The following CHST11 variants were observed in gnomAD, a reference collection of about 807,000 sequenced individuals.
CHST11 encodes carbohydrate sulfotransferase 11, also known as C4S-1.
In CHST11, 9 loss-of-function variants were observed where a neutral mutation model predicts 30.4. The ratio of observed to expected loss-of-function variants is 0.30; its 90% CI spans 0.18 to 0.52. CHST11 has a LOEUF of 0.52. CHST11 is among the 20% of genes least tolerant of loss of function. CHST11 has a pLI of 0.97. For synonymous variants in CHST11, 152 were observed against 187.8 expected (o/e 0.81, Z 1.56); for missense variants, 348 against 460.6 (o/e 0.76, Z 2.24).
At chr12:104,703,314 G>A (rs769296524) in intron 2 of CHST11, among the ~76,000 whole-genome samples, 5 of 152,142 alleles carry the variant, frequency 3.3e-5, no homozygotes, top group African/African-American at 4.8e-5. Flanking sequence ...TTTATTTGGC[G>A]TTGCAAATTT....
At chr12:104,743,284 G>A (rs1592870182) in intron 2 of CHST11, among the ~76,000 whole-genome samples, 1 of 152,256 alleles carries the variant, frequency 6.6e-6, no homozygotes, top group South Asian at 2.1e-4. Flanking sequence ...GGAGAGCTGA[G>A]GTTCCAGAGG....
intron 1 of CHST11, among the ~76,000 whole-genome samples, chr12:104,519,124 C>T (rs1481467441): frequency 6.9e-6 from 1 of 144,868 alleles, no homozygotes; most frequent in Non-Finnish European, 1.5e-5. Flanking sequence ...CCATAATAGT[C>T]CCAACCCTAA....
intron 2 of CHST11, among the ~76,000 whole-genome samples, chr12:104,638,847 A>G (rs1226818122): frequency 1.3e-5 from 2 of 152,220 alleles, no homozygotes; most frequent in Non-Finnish European, 2.9e-5. Flanking sequence ...TCTGCTTCCT[A>G]GAACTCGAAA....
intron 2 of CHST11, among the ~76,000 whole-genome samples, chr12:104,636,811 C>T (rs983051670): frequency 3.8e-4 from 58 of 150,718 alleles, no homozygotes; most frequent in African/African-American, 1.4e-3. Flanking sequence ...ATAGGAGGCT[C>T]ACAAAAAAAT....
At chr12:104,563,328 GTGC>G (rs1447241005) in intron 1 of CHST11, among the ~76,000 whole-genome samples, 27 of 152,198 alleles carry the variant, frequency 1.8e-4, no homozygotes, top group African/African-American at 6.5e-4. Context: ...GTGAGCCACT[GTGC>G]TCGGCCATTG....
At chr12:104,623,683 C>T (rs1376305241) in intron 2 of CHST11, among the ~76,000 whole-genome samples, 3 of 151,604 alleles carry the variant, frequency 2.0e-5, no homozygotes, top group Middle Eastern at 3.2e-3. Context: ...GTCACCCAGC[C>T]GAGATCGCCT....
At chr12:104,489,775 C>A (rs1053400061) in intron 1 of CHST11, among the ~76,000 whole-genome samples, 1 of 152,182 alleles carries the variant, frequency 6.6e-6, no homozygotes, top group Non-Finnish European at 1.5e-5. Context: ...AATACCCTAT[C>A]CTTAAACATG....
intron 1 of CHST11, among the ~76,000 whole-genome samples, chr12:104,481,540 G>C (rs2037622617): frequency 1.3e-5 from 2 of 152,188 alleles, no homozygotes; most frequent in Admixed American, 1.3e-4. Context: ...TGAGCCCACT[G>C]TTCCAGCTGG....
intron 1 of CHST11, among the ~76,000 whole-genome samples, chr12:104,542,298 G>A (rs2038293742): frequency 6.6e-6 from 1 of 152,196 alleles, no homozygotes; most frequent in South Asian, 2.1e-4. Context: ...ATGGATATTT[G>A]TACAGCTATG....
intron 1 of CHST11, among the ~76,000 whole-genome samples, chr12:104,574,170 C>T (rs1288496882): frequency 1.3e-5 from 2 of 152,222 alleles, no homozygotes; most frequent in African/African-American, 4.8e-5. Context: ...GATACCATCT[C>T]ACACCAGTTA....
At chr12:104,636,086 T>A (rs2039320659) in intron 2 of CHST11, among the ~76,000 whole-genome samples, 1 of 152,198 alleles carries the variant, frequency 6.6e-6, no homozygotes, top group African/African-American at 2.4e-5. Flanking sequence ...ATCACCCCCA[T>A]TTTACAGATG....
intron 1 of CHST11, among the ~76,000 whole-genome samples, chr12:104,547,164 GACAGGT>G (rs1270778416): frequency 6.6e-6 from 1 of 152,212 alleles, no homozygotes; most frequent in African/African-American, 2.4e-5. Flanking sequence ...GAGTAATTGA[GACAGGT>G]ACAAATCGTA....
intron 2 of CHST11, among the ~76,000 whole-genome samples, chr12:104,683,104 G>A (rs1284821165): frequency 2.6e-5 from 4 of 152,194 alleles, no homozygotes; most frequent in African/African-American, 9.6e-5. Context: ...AAAAGGGGGC[G>A]GGGTCTTGAG....
At chr12:104,577,706 A>C (rs748144267) in intron 1 of CHST11, among the ~76,000 whole-genome samples, 3 of 152,094 alleles carry the variant, frequency 2.0e-5, no homozygotes, top group Non-Finnish European at 2.9e-5. Flanking sequence ...TCTGTGAAAA[A>C]TCCAAATTTT....
intron 2 of CHST11, among the ~76,000 whole-genome samples, chr12:104,686,232 T>TAAA (rs55789725): frequency 3.1e-4 from 31 of 99,142 alleles, no homozygotes; most frequent in African/African-American, 9.4e-4. Context: ...ACTCACCTCT[T>TAAA]AAAAAAAAAA....
At chr12:104,705,579 G>A (rs907301869) in intron 2 of CHST11, among the ~76,000 whole-genome samples, 1 of 152,100 alleles carries the variant, frequency 6.6e-6, no homozygotes. Flanking sequence ...ATAAGCAAGC[G>A]AAATATTAAT....
intron 1 of CHST11, among the ~76,000 whole-genome samples, chr12:104,482,571 G>A (rs948084814): frequency 6.6e-6 from 1 of 152,106 alleles, no homozygotes; most frequent in South Asian, 2.1e-4. Context: ...ACGTGGTTCT[G>A]CTTGCTTAGA....
chr12:104,709,120 C>T (rs1375239946), intron 2 of CHST11, among the ~76,000 whole-genome samples: 16 of 152,336 alleles, frequency 1.1e-4, no homozygotes. Context: ...CAGCAGATGT[C>T]AATGACAAAG....
intron 1 of CHST11, among the ~76,000 whole-genome samples, chr12:104,483,330 C>T (rs563917503): frequency 3.0e-4 from 45 of 152,264 alleles, no homozygotes; most frequent in African/African-American, 9.1e-4. Flanking sequence ...CTCAGCCTCT[C>T]GAGTAGCTGG....
Sources: allele counts gnomAD v4.1 joint callset (sites outside exome capture counted in the v4.1 genomes callset), GRCh38; gene constraint gnomAD v4.1.1; transcripts MANE v1.5; gene names NCBI Gene and HGNC (gene_info 2026-07-23, HGNC 2026-07-21).